The following CATSPERT variants were observed in gnomAD, a reference collection of about 807,000 sequenced individuals.
CATSPERT encodes catsper channel auxiliary subunit tau, also known as cation channel sperm-associated targeting subunit tau.
the CATSPERT span, among the ~76,000 whole-genome samples, chr2:201,614,898 G>C: frequency 1.3e-3 from 196 of 152,234 alleles, 2 homozygotes; most frequent in East Asian, 0.034. Flanking sequence ...AGAAAAAGCA[G>C]GGGTTGCAAT....
the CATSPERT span, among the ~76,000 whole-genome samples, chr2:201,581,583 T>TATATATAG: frequency 1.5e-5 from 1 of 64,818 alleles, no homozygotes; most frequent in African/African-American, 6.6e-5. Context: ...TATATATATA[T>TATATATAG]ATATATATAT....
At chr2:201,549,716 A>G in the CATSPERT span, 1 of 152,166 alleles carries the variant, frequency 6.6e-6, no homozygotes, top group Admixed American at 6.5e-5. Flanking sequence ...ACACTGTAAT[A>G]ATCGTTTTCT....
chr2:201,519,356 C>G, the CATSPERT span, among the ~76,000 whole-genome samples: 1 of 151,488 alleles, frequency 6.6e-6, no homozygotes, highest in Non-Finnish European at 1.5e-5. Flanking sequence ...CACCCAAGAC[C>G]CATCTAAACA....
the CATSPERT span, among the ~76,000 whole-genome samples, chr2:201,561,730 C>T: frequency 3.3e-5 from 5 of 151,928 alleles, no homozygotes; most frequent in East Asian, 1.9e-4. Context: ...AAAAATTAGC[C>T]GGGCATGGTG....
At chr2:201,513,749 G>A in the CATSPERT span, among the ~76,000 whole-genome samples, 9 of 152,290 alleles carry the variant, frequency 5.9e-5, no homozygotes, top group South Asian at 2.1e-4. Flanking sequence ...CTATGTAGCC[G>A]TAACAAAATG....
chr2:201,586,138 G>A, the CATSPERT span, among the ~76,000 whole-genome samples: 20 of 152,048 alleles, frequency 1.3e-4, no homozygotes, highest in African/African-American at 2.4e-4. Flanking sequence ...CTCTAGTTGC[G>A]TTATTGTAAG....
chr2:201,534,543 CT>C, the CATSPERT span: 1 of 982,318 alleles, frequency 1.0e-6, no homozygotes, highest in South Asian at 4.7e-5. Flanking sequence ...ATCCCCAAGT[CT>C]TCAAACAAAA....
the CATSPERT span, among the ~76,000 whole-genome samples, chr2:201,616,317 T>C: frequency 6.6e-6 from 1 of 152,180 alleles, no homozygotes; most frequent in Non-Finnish European, 1.5e-5. Flanking sequence ...AATGAAACAC[T>C]GGCAAACCGA....
chr2:201,505,350 G>C, the CATSPERT span, among the ~76,000 whole-genome samples: 1 of 152,216 alleles, frequency 6.6e-6, no homozygotes, highest in East Asian at 1.9e-4. Context: ...CAAAGTGCTG[G>C]GATTACAGGT....
At chr2:201,535,280 T>A in the CATSPERT span, 1 of 985,196 alleles carries the variant, frequency 1.0e-6, no homozygotes, top group Non-Finnish European at 1.2e-6. Context: ...AAGCAGAATC[T>A]CACTTAGAAC....
chr2:201,495,950 T>C, the CATSPERT span: 1 of 1,595,806 alleles, frequency 6.3e-7, no homozygotes, highest in Admixed American at 1.7e-5. Flanking sequence ...TGAATTATAT[T>C]CTTTTGGTGA....
the CATSPERT span, among the ~76,000 whole-genome samples, chr2:201,530,545 T>A: frequency 6.6e-6 from 1 of 150,790 alleles, no homozygotes; most frequent in African/African-American, 2.4e-5. Context: ...ACGGCATATT[T>A]CCCAACAGTA....
chr2:201,597,766 C>T, the CATSPERT span, among the ~76,000 whole-genome samples: 1 of 152,066 alleles, frequency 6.6e-6, no homozygotes, highest in African/African-American at 2.4e-5. Context: ...CCAGCTATTC[C>T]AGCATGGCCA....
At chr2:201,598,955 A>G in the CATSPERT span, among the ~76,000 whole-genome samples, 2 of 152,138 alleles carry the variant, frequency 1.3e-5, no homozygotes, top group African/African-American at 2.4e-5. Context: ...TTAGAAAACT[A>G]GAGACCATTC....
At chr2:201,509,088 T>C in the CATSPERT span, among the ~76,000 whole-genome samples, 1 of 150,888 alleles carries the variant, frequency 6.6e-6, no homozygotes, top group African/African-American at 2.5e-5. Context: ...TTTTCCATAG[T>C]GGCTGCATCA....
At chr2:201,592,166 AT>A in the CATSPERT span, among the ~76,000 whole-genome samples, 1 of 151,936 alleles carries the variant, frequency 6.6e-6, no homozygotes, top group African/African-American at 2.4e-5. Context: ...TCAATACCTA[AT>A]TTATTGAGAG....
chr2:201,578,442 A>T, the CATSPERT span, among the ~76,000 whole-genome samples: 2 of 152,164 alleles, frequency 1.3e-5, no homozygotes, highest in Non-Finnish European at 1.5e-5. Flanking sequence ...TTAAATAGTC[A>T]CACAAATTTT....
chr2:201,614,966 A>C, the CATSPERT span, among the ~76,000 whole-genome samples: 82 of 152,298 alleles, frequency 5.4e-4, 1 homozygote, highest in Non-Finnish European at 1.2e-4. Flanking sequence ...ACAAAGAAGG[A>C]CATTACATAA....
the CATSPERT span, among the ~76,000 whole-genome samples, chr2:201,537,783 T>C: frequency 2.0e-5 from 3 of 151,934 alleles, no homozygotes; most frequent in African/African-American, 7.2e-5. Context: ...GGGACTGGGA[T>C]TGGAAGAAGA....
Sources: allele counts gnomAD v4.1 joint callset (sites outside exome capture counted in the v4.1 genomes callset), GRCh38; gene constraint gnomAD v4.1.1; transcripts MANE v1.5; gene names NCBI Gene and HGNC (gene_info 2026-07-23, HGNC 2026-07-21).